The following TMC1 variants were observed in gnomAD, a reference collection of about 807,000 sequenced individuals.
TMC1 encodes the protein transmembrane channel-like protein 1.
In TMC1, 84 loss-of-function variants were observed where a neutral mutation model predicts 105.8. That is an observed-to-expected ratio of 0.79 (90% CI 0.67 to 0.95). The LOEUF is 0.95. TMC1 is among the 40% of genes least tolerant of loss of function. The pLI, the probability that TMC1 is intolerant of heterozygous loss-of-function variation, is 0.00. For synonymous variants in TMC1, 315 were observed against 311.5 expected (o/e 1.01, Z -0.12); for missense variants, 817 against 914.1 (o/e 0.89, Z 1.37).
intron 8 of TMC1, among the ~76,000 whole-genome samples, chr9:72,728,353 G>C (rs1203481832): frequency 6.6e-6 from 1 of 152,166 alleles, no homozygotes; most frequent in Non-Finnish European, 1.5e-5. Flanking sequence ...GCCCTCTCTT[G>C]ACTGATAAGT....
chr9:72,562,182 G>T (rs1333159504), intron 1 of TMC1, among the ~76,000 whole-genome samples: 1 of 152,092 alleles, frequency 6.6e-6, no homozygotes, highest in Non-Finnish European at 1.5e-5. Context: ...AATACTTCCT[G>T]CCCTGACTAA....
At chr9:72,729,855 C>T (rs1827180718) in intron 8 of TMC1, among the ~76,000 whole-genome samples, 1 of 152,144 alleles carries the variant, frequency 6.6e-6, no homozygotes, top group Non-Finnish European at 1.5e-5. Context: ...GAAAAACTGT[C>T]CATTTTTATG....
intron 1 of TMC1, among the ~76,000 whole-genome samples, chr9:72,542,180 G>A (rs1823689659): frequency 6.6e-6 from 1 of 152,114 alleles, no homozygotes; most frequent in Non-Finnish European, 1.5e-5. Context: ...ACAAAAAAGG[G>A]CCCGGCGCGG....
At chr9:72,662,759 A>C (rs1237500390) in intron 5 of TMC1, among the ~76,000 whole-genome samples, 1 of 152,218 alleles carries the variant, frequency 6.6e-6, no homozygotes, top group Non-Finnish European at 1.5e-5. Context: ...TAGCCATAAA[A>C]CACTTGTAAT....
intron 18 of TMC1, among the ~76,000 whole-genome samples, chr9:72,810,215 C>G (rs1263055191): frequency 1.3e-5 from 2 of 151,520 alleles, no homozygotes; most frequent in African/African-American, 4.9e-5. Context: ...CTGCTATTCT[C>G]CTAGACCTGC....
intron 5 of TMC1, among the ~76,000 whole-genome samples, chr9:72,680,806 A>C (rs1334877467): frequency 2.0e-5 from 3 of 152,164 alleles, no homozygotes; most frequent in Non-Finnish European, 4.4e-5. Flanking sequence ...TGTGAACAAA[A>C]GCAGTGCTAC....
intron 1 of TMC1, among the ~76,000 whole-genome samples, chr9:72,562,424 CCTT>C (rs1295026548): frequency 8.5e-5 from 13 of 152,142 alleles, no homozygotes; most frequent in Admixed American, 8.5e-4. Flanking sequence ...TAGCAGTACA[CCTT>C]TGTGCTATGT....
intron 1 of TMC1, among the ~76,000 whole-genome samples, chr9:72,572,027 G>C (rs7860314): frequency 0.4 from 60,749 of 151,812 alleles, 13,909 homozygotes; most frequent in African/African-American, 0.62. Flanking sequence ...GTAGAGATGG[G>C]CTTTCTCCAT....
At chr9:72,737,609 C>T (rs1827321919) in intron 8 of TMC1, among the ~76,000 whole-genome samples, 1 of 152,114 alleles carries the variant, frequency 6.6e-6, no homozygotes. Flanking sequence ...AGACAGATCC[C>T]AGAGACTGGA....
intron 18 of TMC1, among the ~76,000 whole-genome samples, chr9:72,814,058 A>C (rs1828744867): frequency 6.6e-6 from 1 of 152,164 alleles, no homozygotes; most frequent in Non-Finnish European, 1.5e-5. Context: ...GACCCTCAGG[A>C]GCTCTATGTG....
chr9:72,820,730 C>T, intron 19 of TMC1, 112 bp from the exon 20 acceptor site: 1 of 1,297,328 alleles, frequency 7.7e-7, no homozygotes, highest in Non-Finnish European at 1.1e-6. Flanking sequence ...TTGAAAGTGG[C>T]AGTGTATTTT....
intron 1 of TMC1, among the ~76,000 whole-genome samples, chr9:72,576,515 G>C (rs187464749): frequency 6.7e-6 from 1 of 149,838 alleles, no homozygotes; most frequent in Admixed American, 6.6e-5. Flanking sequence ...GCCAACGACT[G>C]TACACAGAGC....
chr9:72,630,739 C>T (rs1046933501), intron 4 of TMC1, among the ~76,000 whole-genome samples: 8 of 151,936 alleles, frequency 5.3e-5, no homozygotes, highest in Admixed American at 1.3e-4. Flanking sequence ...TTAAAAACTG[C>T]AAATTAAAAC....
intron 10 of TMC1, among the ~76,000 whole-genome samples, chr9:72,747,042 C>T (rs973692971): frequency 1.3e-5 from 2 of 152,110 alleles, no homozygotes; most frequent in African/African-American, 4.8e-5. Context: ...GAATGTATTT[C>T]TAGCTGGGGA....
At chr9:72,533,097 C>CCTGA (rs894930881) in intron 1 of TMC1, among the ~76,000 whole-genome samples, 7 of 152,170 alleles carry the variant, frequency 4.6e-5, no homozygotes, top group African/African-American at 1.7e-4. Context: ...TGTAGTAAGG[C>CCTGA]CTGACTCTTC....
At chr9:72,790,701 A>T (rs1040353629) in intron 15 of TMC1, among the ~76,000 whole-genome samples, 1 of 152,176 alleles carries the variant, frequency 6.6e-6, no homozygotes, top group Non-Finnish European at 1.5e-5. Context: ...GAAGGTAATA[A>T]TGGAGATTCA....
intron 5 of TMC1, among the ~76,000 whole-genome samples, chr9:72,655,096 T>C (rs1444520329): frequency 6.6e-6 from 1 of 152,160 alleles, no homozygotes; most frequent in Non-Finnish European, 1.5e-5. Flanking sequence ...CATGCTGTTC[T>C]CCTAATAATG....
At chr9:72,816,511 A>T (rs1322119522) in intron 19 of TMC1, among the ~76,000 whole-genome samples, 1 of 152,204 alleles carries the variant, frequency 6.6e-6, no homozygotes, top group Admixed American at 6.5e-5. Context: ...TCTAATATTA[A>T]AACATTAATA....
At chr9:72,603,392 C>A (rs1824852518) in intron 2 of TMC1, among the ~76,000 whole-genome samples, 1 of 119,198 alleles carries the variant, frequency 8.4e-6, no homozygotes, top group Non-Finnish European at 1.8e-5. Context: ...CCACTACACA[C>A]ACACACACAC....
Sources: gnomAD v4.1 joint callset for allele counts (sites outside exome capture counted in the v4.1 genomes callset) on GRCh38, gnomAD v4.1.1 for gene constraint, MANE v1.5 for transcripts, NCBI Gene and HGNC (gene_info 2026-07-23, HGNC 2026-07-21) for gene names.